WDR27: variants seen among roughly 807,000 people sequenced by gnomAD.
The protein encoded by WDR27 is WD repeat domain 27.
Under a neutral mutation model 114.4 loss-of-function variants are expected in WDR27, and 100 were observed. The observed-to-expected ratio is 0.87, with a 90% CI of 0.74 to 1.03. The LOEUF (loss-of-function observed/expected upper bound fraction) is 1.03, where lower values mean the gene tolerates loss of function less well. WDR27 is among the 50% of genes least tolerant of loss of function. The pLI is 0.00. For missense variants in WDR27, 1,129 were observed against 1,092.9 expected (o/e 1.03, Z -0.47); for synonymous variants, 449 against 423.1 (o/e 1.06, Z -0.75).
intron 25 of WDR27, among the ~76,000 whole-genome samples, chr6:169,568,141 T>C (rs9396943): frequency 0.59 from 89,684 of 151,596 alleles, 29,178 homozygotes; most frequent in Non-Finnish European, 0.72. Context: ...CGTGGAAGCC[T>C]GAGTCTGACA....
At position 169,688,903 on chromosome 6, in the gene WDR27, G is replaced by A; in HGVS notation, c.103C>T (p.Gln35Ter). ...VESKESVSHV[Q>*]LACSMQDCAF... ...CAGTCCTGCATGCTGCAAGCAAGCT[G>A]AACATGAGACACAGACTCCTTGGAT... is the stretch of plus-strand genomic sequence containing the variant. The change falls in exon 2 of 26, where the codon CAG becomes TAG. Residue 35 changes from glutamine (Q) to a stop codon, truncating the protein, a stop_gained. Transcript: ENST00000448612. LOFTEE classifies it high-confidence loss of function. 9 of 1,613,968 alleles carry A rather than the reference G, an allele frequency of 5.6e-6. No individual in the cohort carries two copies. Among genetic ancestry groups the A allele is most frequent in the South Asian group, 1.1e-5 (1 of 91,080 alleles).
At chr6:169,663,018 G>A (rs1173624556) in intron 8 of WDR27, among the ~76,000 whole-genome samples, 1 of 151,344 alleles carries the variant, frequency 6.6e-6, no homozygotes, top group Non-Finnish European at 1.5e-5. Flanking sequence ...CACGCGTCGA[G>A]GAAAGCACAA....
At chr6:169,475,794 A>AT (rs560368843) in intron 25 of WDR27, among the ~76,000 whole-genome samples, 183 of 151,982 alleles carry the variant, frequency 1.2e-3, no homozygotes, top group South Asian at 4.8e-3. Context: ...CCACTGCTCC[A>AT]TTTTTTTTAT....
At chr6:169,645,166 G>A (rs567890512) in intron 16 of WDR27, among the ~76,000 whole-genome samples, 279 of 128,616 alleles carry the variant, frequency 2.2e-3, no homozygotes, top group Non-Finnish European at 3.0e-3. Context: ...AGCCTAATTC[G>A]TAGGAGTCAC....
intron 25 of WDR27, among the ~76,000 whole-genome samples, chr6:169,505,470 C>T (rs555760070): frequency 3.5e-5 from 2 of 56,808 alleles, no homozygotes; most frequent in African/African-American, 6.9e-5. Context: ...TATTCCTTCT[C>T]TATACTTAGG....
intron 25 of WDR27, among the ~76,000 whole-genome samples, chr6:169,491,598 T>G (rs749063606): frequency 2.0e-5 from 3 of 152,048 alleles, no homozygotes; most frequent in Non-Finnish European, 2.9e-5. Flanking sequence ...AAACACAAAC[T>G]TAAGTCTTGG....
chr6:169,431,792 G>A, the WDR27 span, among the ~76,000 whole-genome samples: 148 of 152,270 alleles, frequency 9.7e-4, 4 homozygotes, highest in Admixed American at 8.7e-3. Context: ...AACAGTATGA[G>A]GATCATTCAA....
At chr6:169,653,415 T>C (rs1298041080) in intron 13 of WDR27, among the ~76,000 whole-genome samples, 1 of 152,218 alleles carries the variant, frequency 6.6e-6, no homozygotes, top group Non-Finnish European at 1.5e-5. Flanking sequence ...AAATGGCAAG[T>C]TTTATTTTAT....
chr6:169,649,151 G>C, intron 15 of WDR27, 47 bp downstream of exon 15: 3 of 1,486,666 alleles, frequency 2.0e-6, no homozygotes, highest in Non-Finnish European at 2.8e-6. Flanking sequence ...TGTTGGAAAG[G>C]TCTAGGTTAT....
intron 25 of WDR27, among the ~76,000 whole-genome samples, chr6:169,537,690 GC>G (rs1796351610): frequency 6.6e-6 from 1 of 152,126 alleles, no homozygotes; most frequent in African/African-American, 2.4e-5. Context: ...TGGGGGTAGT[GC>G]CAGAAGAATC....
At chr6:169,616,694 ACC>A (rs1811899597) in intron 21 of WDR27, among the ~76,000 whole-genome samples, 1 of 152,220 alleles carries the variant, frequency 6.6e-6, no homozygotes. Flanking sequence ...TTTCTCACAC[ACC>A]TATGTAATAT....
At chr6:169,676,522 T>C (rs924366719) in intron 2 of WDR27, among the ~76,000 whole-genome samples, 10 of 152,216 alleles carry the variant, frequency 6.6e-5, no homozygotes, top group African/African-American at 2.4e-4. Context: ...TCCCCTTTCC[T>C]TTGTAGGCCT....
intron 1 of WDR27, 46 bp downstream of exon 1, chr6:169,701,505 G>A (rs1202916525): frequency 6.5e-6 from 1 of 152,990 alleles, no homozygotes; most frequent in Non-Finnish European, 1.5e-5. Flanking sequence ...CTTTTAAAGA[G>A]ATCTGAGTGC....
chr6:169,690,309 G>A (rs766802724), intron 1 of WDR27, among the ~76,000 whole-genome samples: 6 of 152,196 alleles, frequency 3.9e-5, no homozygotes, highest in Non-Finnish European at 7.3e-5. Flanking sequence ...CCTCATGCTG[G>A]CCCTGAGAGA....
chr6:169,567,244 AT>A (rs1370895125), intron 25 of WDR27, among the ~76,000 whole-genome samples: 4 of 152,204 alleles, frequency 2.6e-5, no homozygotes, highest in African/African-American at 9.6e-5. Context: ...TTTGTCCGTG[AT>A]AAACACCATT....
In WDR27 at chr6:169,636,427, G is replaced by A; in HGVS notation, c.1947C>T (p.Gly649=). Residue 649 remains glycine (G), a synonymous_variant, in exon 19 of 26, where the codon GGC becomes GGT. Transcript: ENST00000448612. ...GATACCTCAGTAGCTGAAATTCAGG[G>A]CCAGAAGATAACAATATAAAGGCAT... ...YIDAFILLSS[G]PEFQLLRYHI... 1 of 1,613,854 alleles carries A rather than the reference G, an allele frequency of 6.2e-7. No individual in the cohort carries two copies. The highest frequency in any genetic ancestry group is 1.1e-5 in the South Asian group (1 of 91,066).
chr6:169,546,114 C>T (rs1486958752), intron 25 of WDR27, among the ~76,000 whole-genome samples: 1 of 152,074 alleles, frequency 6.6e-6, no homozygotes, highest in Non-Finnish European at 1.5e-5. Flanking sequence ...AAATAGAAAA[C>T]AGTGACAACA....
intron 25 of WDR27, among the ~76,000 whole-genome samples, chr6:169,518,314 T>C (rs1188033799): frequency 6.6e-6 from 1 of 152,256 alleles, no homozygotes; most frequent in Admixed American, 6.5e-5. Context: ...TAGTAGAGGT[T>C]CTACATGGGG....
chr6:169,552,903 G>C (rs1006024350), intron 25 of WDR27, among the ~76,000 whole-genome samples: 1 of 151,626 alleles, frequency 6.6e-6, no homozygotes, highest in African/African-American at 2.4e-5. Flanking sequence ...CGCAGCAGCA[G>C]ATGTCATTTT....
Sources: allele counts gnomAD v4.1 joint callset (sites outside exome capture counted in the v4.1 genomes callset), GRCh38; gene constraint gnomAD v4.1.1; transcripts MANE v1.5; gene names NCBI Gene and HGNC (gene_info 2026-07-23, HGNC 2026-07-21).